CEP85: variants seen among roughly 807,000 people sequenced by gnomAD.
The protein encoded by CEP85 is centrosomal protein 85.
In CEP85, 58 loss-of-function variants were observed where a neutral mutation model predicts 93.7. That is an observed-to-expected ratio of 0.62 (90% CI 0.50 to 0.77). CEP85 has a LOEUF of 0.77. CEP85 is among the 30% of genes least tolerant of loss of function. The pLI is 0.00. For missense variants in CEP85, 868 were observed against 922.0 expected (o/e 0.94, Z 0.76); for synonymous variants, 314 against 338.6 (o/e 0.93, Z 0.80).
intron 9 of CEP85, among the ~76,000 whole-genome samples, 168 bp downstream of exon 9, chr1:26,269,782 CTTT>C (rs748230113): frequency 2.4e-5 from 2 of 84,708 alleles, no homozygotes; most frequent in East Asian, 3.1e-4. Flanking sequence ...TGGGAAGCGG[CTTT>C]TTTTTTTTTT....
At chr1:26,247,767 A>G (rs10751734) in intron 3 of CEP85, among the ~76,000 whole-genome samples, 133,435 of 152,170 alleles carry the variant, frequency 0.88, 59,464 homozygotes, top group Non-Finnish European at 0.93. Flanking sequence ...TAAGCCTTCC[A>G]AGTAGCTGGG....
intron 10 of CEP85, 87 bp downstream of exon 10, chr1:26,271,194 C>T: frequency 1.3e-6 from 1 of 797,466 alleles, no homozygotes; most frequent in Admixed American, 2.1e-5. Context: ...GAATTCTTGG[C>T]TTTGGGCTAT....
At chr1:26,256,928 G>GTGTGTGTGTGTGTGTGTGTGTGTGTGTGT (rs199539021) in intron 4 of CEP85, among the ~76,000 whole-genome samples, 2 of 111,492 alleles carry the variant, frequency 1.8e-5, no homozygotes, top group South Asian at 2.9e-4. Context: ...GTTTTGTTTT[G>GTGTGTGTGTGTGTGTGTGTGTGTGTGTGT]GTGTGTGTGT....
In CEP85 at chr1:26,253,927, C is replaced by T. The variant is rs151321002; in HGVS notation, c.209-1244C>T. 5.8e-3 allele frequency among the ~76,000 whole-genome samples: 886 copies of T among 151,790 alleles called. 7 individuals are homozygous for T. Among genetic ancestry groups the T allele is most frequent in the African/African-American group, 0.021 (862 of 41,402 alleles). On this transcript the variant is annotated intron_variant, in intron 3 of 13. Transcript: ENST00000451429. ...GAAGATCACCTGAGCCTGGGGAGGT[C>T]GAGGCTGCAGTGAACTGTGATCACG...
chr1:26,251,782 T>G (rs2089620690), intron 3 of CEP85, among the ~76,000 whole-genome samples: 1 of 151,964 alleles, frequency 6.6e-6, no homozygotes, highest in Non-Finnish European at 1.5e-5. Flanking sequence ...GAGAGAGTGG[T>G]GCTATGGATG....
intron 7 of CEP85, among the ~76,000 whole-genome samples, chr1:26,260,514 A>AAG (rs2089791101): frequency 6.6e-6 from 1 of 151,666 alleles, no homozygotes; most frequent in Non-Finnish European, 1.5e-5. Flanking sequence ...AAAAAAAAAA[A>AAG]ATTCCATGTG....
intron 11 of CEP85, among the ~76,000 whole-genome samples, chr1:26,273,932 AAT>A (rs58790922): frequency 1.2e-4 from 17 of 145,806 alleles, no homozygotes; most frequent in African/African-American, 3.5e-4. Context: ...AAATAAATAA[AAT>A]ATATATATAT....
intron 3 of CEP85, among the ~76,000 whole-genome samples, chr1:26,248,527 G>A (rs942407223): frequency 3.3e-5 from 5 of 151,860 alleles, no homozygotes; most frequent in South Asian, 2.1e-4. Context: ...AGACAGAGTC[G>A]CTCTGTCGCC....
At chr1:26,244,670 A>G (rs377430198) in intron 3 of CEP85, among the ~76,000 whole-genome samples, 1 of 152,008 alleles carries the variant, frequency 6.6e-6, no homozygotes, top group South Asian at 2.1e-4. Flanking sequence ...GCAGGTATGC[A>G]CCACCGTGGC....
At chr1:26,266,404 T>A (rs1236057940) in intron 7 of CEP85, among the ~76,000 whole-genome samples, 1 of 152,154 alleles carries the variant, frequency 6.6e-6, no homozygotes, top group Non-Finnish European at 1.5e-5. Flanking sequence ...TAATAAATCT[T>A]TCCTAGACTT....
At chr1:26,258,780 A>G (rs1428655511) in intron 6 of CEP85, among the ~76,000 whole-genome samples, 1 of 152,096 alleles carries the variant, frequency 6.6e-6, no homozygotes, top group Non-Finnish European at 1.5e-5. Flanking sequence ...TATTTTTAGT[A>G]GAGACGGGGT....
chr1:26,258,208 C>T lies in CEP85; in HGVS notation c.1103C>T (p.Ala368Val), dbSNP rs2089738296. The T allele has an allele frequency of 1.2e-6, 2 of 1,614,122 alleles. No homozygotes were observed. Among genetic ancestry groups the T allele is most frequent in the East Asian group, 2.2e-5 (1 of 44,862 alleles). Residue 368 changes from alanine to valine, a missense_variant, in exon 6 of 14, where the codon GCC becomes GTC. Physicochemically the swap from Ala to Val is moderately conservative, Grantham distance 64. Transcript: ENST00000451429. ...GAGAGCGAACTGCAAGTCCACAGTG[C>T]CCTCTTGGGCCGCCCTGCCCCCTTT... ...VRESELQVHS[A>V]LLGRPAPFGD...
intron 3 of CEP85, chr1:26,254,915 T>C (rs1454286160): frequency 4.5e-6 from 2 of 440,370 alleles, no homozygotes; most frequent in Non-Finnish European, 8.0e-6. Context: ...GACAAGATTT[T>C]TTTTATTCCA....
At position 26,255,570 on chromosome 1, in the gene CEP85, A is replaced by G. The variant is rs1182054861; in HGVS notation, c.608A>G (p.His203Arg). Residue 203 changes from histidine to arginine, a missense_variant, in exon 4 of 14, where the codon CAC (histidine) becomes CGC (arginine). By Grantham distance (29) the His-to-Arg change is conservative. Coordinates refer to ENST00000451429, the MANE Select transcript of CEP85 (RefSeq NM_001319944.2). ...MMETLYSDPH[H>R]RVRFHNPRTS... ...GAGACACTTTATTCAGATCCTCACC[A>G]CCGAGTCCGCTTCCACAACCCAAGA... The G allele has an allele frequency of 3.1e-6, 5 of 1,614,110 alleles. No homozygotes were observed. Among genetic ancestry groups the G allele is most frequent in the Non-Finnish European group, 3.4e-6 (4 of 1,180,024 alleles).
intron 12 of CEP85, among the ~76,000 whole-genome samples, chr1:26,275,446 A>C (rs1261305788): frequency 6.6e-6 from 1 of 151,910 alleles, no homozygotes; most frequent in Non-Finnish European, 1.5e-5. Context: ...ACGCCCGGCT[A>C]ATTTTTTGTA....
intron 3 of CEP85, among the ~76,000 whole-genome samples, chr1:26,246,925 G>T (rs1279633641): frequency 6.6e-6 from 1 of 152,120 alleles, no homozygotes; most frequent in African/African-American, 2.4e-5. Context: ...TATATCAGGG[G>T]TCTCCAACCC....
chr1:26,260,469 A>G (rs1232611232), intron 7 of CEP85, among the ~76,000 whole-genome samples: 1 of 151,534 alleles, frequency 6.6e-6, no homozygotes, highest in Non-Finnish European at 1.5e-5. Context: ...ATTGCACTCC[A>G]GCCTAGGTGA....
intron 3 of CEP85, 114 bp from the exon 4 acceptor site, chr1:26,255,057 A>AT: frequency 2.5e-6 from 2 of 807,808 alleles, no homozygotes; most frequent in Non-Finnish European, 4.0e-6. Context: ...ACTTTTGATG[A>AT]TGGTGCTCTC....
intron 8 of CEP85, 60 bp from the exon 9 acceptor site, chr1:26,269,400 A>G (rs2089939045): frequency 1.3e-6 from 2 of 1,535,490 alleles, no homozygotes; most frequent in Non-Finnish European, 1.8e-6. Context: ...CCGAGGAACA[A>G]GCATTTTGCA....
Sources: allele counts gnomAD v4.1 joint callset (sites outside exome capture counted in the v4.1 genomes callset), GRCh38; gene constraint gnomAD v4.1.1; transcripts MANE v1.5; gene names NCBI Gene and HGNC (gene_info 2026-07-23, HGNC 2026-07-21).